LBH: variants seen among roughly 807,000 people sequenced by gnomAD.
The protein encoded by LBH is LBH regulator of Wnt signaling pathway.
In LBH, 7 loss-of-function variants were observed where a neutral mutation model predicts 12.5. That is an observed-to-expected ratio of 0.56 (90% CI 0.32 to 1.05). The LOEUF is 1.05. LBH is among the 50% of genes least tolerant of loss of function. LBH has a pLI of 0.04. For synonymous variants in LBH, 51 were observed against 50.1 expected (o/e 1.02, Z -0.08); for missense variants, 119 against 138.9 (o/e 0.86, Z 0.72).
chr2:30,242,592 GA>G (rs922026437), intron 2 of LBH, among the ~76,000 whole-genome samples: 1 of 151,736 alleles, frequency 6.6e-6, no homozygotes, highest in Non-Finnish European at 1.5e-5. Context: ...CATGGGAAGA[GA>G]AAAAAAATCC....
chr2:30,236,262 G>A (rs1325584464), intron 2 of LBH, among the ~76,000 whole-genome samples: 1 of 152,220 alleles, frequency 6.6e-6, no homozygotes, highest in Non-Finnish European at 1.5e-5. Context: ...CCATTCTGCT[G>A]GACCTGAGAC....
At chr2:30,237,002 C>G (rs1677699518) in intron 2 of LBH, among the ~76,000 whole-genome samples, 2 of 152,236 alleles carry the variant, frequency 1.3e-5, no homozygotes, top group Non-Finnish European at 2.9e-5. Flanking sequence ...TCCGGGCCCA[C>G]TCAAAGCTAG....
intron 2 of LBH, among the ~76,000 whole-genome samples, chr2:30,244,131 G>A (rs1020590607): frequency 1.3e-5 from 2 of 152,212 alleles, no homozygotes; most frequent in African/African-American, 4.8e-5. Flanking sequence ...TAACAGGGAT[G>A]ATGAAGGTGA....
chr2:30,247,835 CAA>C (rs1243972908), intron 2 of LBH, among the ~76,000 whole-genome samples: 1 of 152,144 alleles, frequency 6.6e-6, no homozygotes, highest in African/African-American at 2.4e-5. Context: ...AGCTGGCGAA[CAA>C]TTGATGATGC....
chr2:30,249,577 C>T (rs937946), intron 2 of LBH, among the ~76,000 whole-genome samples: 1 of 152,184 alleles, frequency 6.6e-6, no homozygotes, highest in East Asian at 1.9e-4. Flanking sequence ...TTTCATTCCC[C>T]CGGTCCTAAC....
At chr2:30,239,949 G>A (rs1677760262) in intron 2 of LBH, among the ~76,000 whole-genome samples, 1 of 152,190 alleles carries the variant, frequency 6.6e-6, no homozygotes, top group Non-Finnish European at 1.5e-5. Flanking sequence ...TGAGTCTGTA[G>A]CCTGGTCAGG....
rs1678115183 is a variant in LBH at position 30,257,886 on chromosome 2, G to T, written c.*265G>T. On this transcript the variant is annotated 3_prime_UTR_variant, in exon 3 of 3. Coordinates refer to ENST00000395323, the MANE Select transcript of LBH (RefSeq NM_030915.4). ...GCTGCTTAGAGCCAGGGGGTTAGTG[G>T]GTGAGGGGAGCGAGTGCTGTTTTTG... The T allele has an allele frequency of 6.6e-6, 2 of 303,262 alleles. No individual in the cohort carries two copies. Among genetic ancestry groups the T allele is most frequent in the African/African-American group, 2.2e-5 (1 of 44,524 alleles). The allele number at this position is 303,262 out of a possible 1,614,324, so 18.8% of individuals were successfully genotyped here. A position where few individuals can be genotyped will look rare whatever the true frequency, so the allele number is the denominator to read the frequency against.
At chr2:30,254,178 T>A (rs145132330) in intron 2 of LBH, among the ~76,000 whole-genome samples, 1 of 152,336 alleles carries the variant, frequency 6.6e-6, no homozygotes, top group African/African-American at 2.4e-5. Context: ...TATGCTATGT[T>A]TTATCCTATA....
chr2:30,243,010 C>T (rs980402174), intron 2 of LBH, among the ~76,000 whole-genome samples: 1 of 152,106 alleles, frequency 6.6e-6, no homozygotes, highest in South Asian at 2.1e-4. Context: ...AATATAAGCT[C>T]CCAGCATTGA....
At chr2:30,252,886 T>C (rs1678010182) in intron 2 of LBH, among the ~76,000 whole-genome samples, 1 of 152,190 alleles carries the variant, frequency 6.6e-6, no homozygotes, top group Non-Finnish European at 1.5e-5. Flanking sequence ...AGACCTGCCC[T>C]ACCCTGGGCT....
intron 2 of LBH, among the ~76,000 whole-genome samples, chr2:30,241,328 T>TC (rs1176813397): frequency 6.6e-6 from 1 of 152,214 alleles, no homozygotes; most frequent in Non-Finnish European, 1.5e-5. Context: ...AGTTTTTCCT[T>TC]CCCTTTCCCT....
In LBH at chr2:30,241,460, C is replaced by CTTT. The variant is rs777223190; in HGVS notation, c.129+6967_129+6969dup. On this transcript the variant is annotated intron_variant, in intron 2 of 2. Transcript: ENST00000395323. ...ATTTCTATTTTTATTTTCTTTCTTTCTTTTTTTTTTTTTTTTGAGATGGTA... is the reference window on the plus strand; with the variant it reads ...ATTTCTATTTTTATTTTCTTTCTTTCTTTTTTTTTTTTTTTTTTTGAGATGGTA... Among the ~76,000 whole-genome samples, 205 of 132,608 alleles carry CTTT rather than the reference C, an allele frequency of 1.5e-3. 3 individuals are homozygous for CTTT. The highest frequency in any genetic ancestry group is 4.1e-3 in the Middle Eastern group (1 of 244). The allele number at this position is 132,608 out of a possible 152,430, so 87.0% of individuals were successfully genotyped here.
intron 2 of LBH, among the ~76,000 whole-genome samples, chr2:30,249,403 TAGGA>T (rs976017885): frequency 6.6e-6 from 1 of 152,016 alleles, no homozygotes; most frequent in Non-Finnish European, 1.5e-5. Context: ...CAGCCCATCG[TAGGA>T]AGGAAGGAAC....
rs151166153 is a variant in LBH, at chr2:30,246,884, T to C, written c.130-10549T>C. 1.3e-3 allele frequency among the ~76,000 whole-genome samples: 186 copies of C among 142,116 alleles called. No homozygotes were observed. The East Asian group carries it at 0.032, about 24-fold the overall frequency. 93.2% of individuals were successfully genotyped at this position (142,116 alleles called of 152,430 possible). ...TCACCCAGGCTAGAGTGCAGTGGCA[T>C]GGTCATAGCTCACTGCAGCCTCCAA... On this transcript the variant is annotated intron_variant, in intron 2 of 2. Coordinates refer to ENST00000395323, the MANE Select transcript of LBH (RefSeq NM_030915.4).
At chr2:30,234,599 A>G in intron 2 of LBH, 92 bp downstream of exon 2, 3 of 840,780 alleles carry the variant, frequency 3.6e-6, no homozygotes, top group Admixed American at 2.0e-5. Flanking sequence ...CCAGTGCCAC[A>G]TATAAGAGCT....
intron 2 of LBH, among the ~76,000 whole-genome samples, chr2:30,252,529 G>A (rs1677999636): frequency 6.6e-6 from 1 of 152,192 alleles, no homozygotes; most frequent in African/African-American, 2.4e-5. Flanking sequence ...GGGCGTGGTG[G>A]CGGGCGCCTG....
chr2:30,231,541 G>GCT lies in LBH; in HGVS notation c.-196_-195dup, dbSNP rs1677583720. On this transcript the variant is annotated 5_prime_UTR_variant, in exon 1 of 3. Coordinates refer to ENST00000395323, the MANE Select transcript of LBH (RefSeq NM_030915.4). ...TCCCGGGCTCTTTGTGGGGCTGAGT[G>GCT]CTCAGTGGAGAGCGGGGAGTTGTGT... 5 of 603,558 alleles carry GCT rather than the reference G, an allele frequency of 8.3e-6. No homozygotes were observed. Among genetic ancestry groups the GCT allele is most frequent in the Non-Finnish European group, 1.5e-5 (5 of 337,190 alleles). 37.4% of individuals were successfully genotyped at this position (603,558 alleles called of 1,614,324 possible). A position where few individuals can be genotyped will look rare whatever the true frequency, so the allele number is the denominator to read the frequency against.
intron 2 of LBH, among the ~76,000 whole-genome samples, chr2:30,241,292 TTTAGA>T (rs1677784301): frequency 6.6e-6 from 1 of 152,174 alleles, no homozygotes; most frequent in South Asian, 2.1e-4. Context: ...AAGTGGTTGT[TTTAGA>T]TTAGTGTTTT....
At chr2:30,232,280 A>ACT in intron 1 of LBH, 1 of 1,494,570 alleles carries the variant, frequency 6.7e-7, no homozygotes, top group Non-Finnish European at 8.9e-7. Flanking sequence ...TAACCCCACT[A>ACT]AAGCCACAAG....
Sources: gnomAD v4.1 joint callset for allele counts (sites outside exome capture counted in the v4.1 genomes callset) on GRCh38, gnomAD v4.1.1 for gene constraint, MANE v1.5 for transcripts, NCBI Gene and HGNC (gene_info 2026-07-23, HGNC 2026-07-21) for gene names.